The following PCDHA3 variants were observed in gnomAD, a reference collection of about 807,000 sequenced individuals.
PCDHA3 encodes protocadherin alpha-3.
Under a neutral mutation model 62.2 loss-of-function variants are expected in PCDHA3, and 41 were observed. The ratio of observed to expected loss-of-function variants is 0.66; its 90% CI spans 0.51 to 0.86. PCDHA3 has a LOEUF of 0.86. PCDHA3 is among the 40% of genes least tolerant of loss of function. The pLI is 0.00. For synonymous variants in PCDHA3, 640 were observed against 555.4 expected (o/e 1.15, Z -2.14); for missense variants, 1,304 against 1,241.2 (o/e 1.05, Z -0.76).
chr5:140,807,519 A>C, intron 1 of PCDHA3: 1 of 1,614,094 alleles, frequency 6.2e-7, no homozygotes, highest in Non-Finnish European at 8.5e-7. Flanking sequence ...GTGATCGTAG[A>C]CAGGCCGCTG....
chr5:140,854,198 CT>C, intron 1 of PCDHA3: 1 of 547,978 alleles, frequency 1.8e-6, no homozygotes, highest in Non-Finnish European at 2.3e-6. Flanking sequence ...CTACTCCCTA[CT>C]TTTTATTCAA....
intron 1 of PCDHA3, among the ~76,000 whole-genome samples, chr5:140,846,219 G>A (rs1780263856): frequency 6.7e-6 from 1 of 149,418 alleles, no homozygotes; most frequent in South Asian, 2.1e-4. Flanking sequence ...TCCATTAATA[G>A]TATTTTTCTT....
At chr5:141,001,265 T>C (rs71583613) in intron 3 of PCDHA3, among the ~76,000 whole-genome samples, 24 of 152,168 alleles carry the variant, frequency 1.6e-4, no homozygotes, top group Admixed American at 7.2e-4. Flanking sequence ...GGCACTCTTA[T>C]GAACTTTTTT....
In PCDHA3 at chr5:140,857,236, G is replaced by C; in HGVS notation, c.2394+53645G>C. On this transcript the variant is annotated intron_variant, in intron 1 of 3. Transcript: ENST00000522353. ...TGACGCCTCACGTTCCGTTCAAGCTGGTGTCCACCTACAAGAATTACTACT... is the reference window on the plus strand; with the variant it reads ...TGACGCCTCACGTTCCGTTCAAGCTCGTGTCCACCTACAAGAATTACTACT... 6.9e-6 allele frequency: 11 copies of C among 1,598,556 alleles called. 1 individual carries two copies. Among genetic ancestry groups the C allele is most frequent in the Non-Finnish European group, 8.6e-6 (10 of 1,167,952 alleles).
chr5:140,928,712 GT>G (rs782592622), intron 1 of PCDHA3: 1 of 1,614,168 alleles, frequency 6.2e-7, no homozygotes, highest in Non-Finnish European at 8.5e-7. Context: ...TCTGACTCTA[GT>G]CTCTTTAGAA....
At chr5:140,877,116 C>T in intron 1 of PCDHA3, 4 of 1,613,672 alleles carry the variant, frequency 2.5e-6, no homozygotes, top group Non-Finnish European at 2.5e-6. Context: ...TGGGCAGCAA[C>T]GTGACGCTGC....
At chr5:140,883,705 T>G (rs251380) in intron 1 of PCDHA3, 1,065,865 of 1,613,504 alleles carry the variant, frequency 0.66, 353,266 homozygotes, top group Middle Eastern at 0.71. Flanking sequence ...CGGTGTCTGC[T>G]CAGGACGCGG....
At chr5:140,961,384 A>G (rs568973458) in intron 1 of PCDHA3, among the ~76,000 whole-genome samples, 44 of 152,302 alleles carry the variant, frequency 2.9e-4, no homozygotes, top group Non-Finnish European at 5.7e-4. Flanking sequence ...AGTTTGAACT[A>G]TTCCATTAGT....
At chr5:140,928,178 G>C (rs2085023372) in intron 1 of PCDHA3, 1 of 1,614,074 alleles carries the variant, frequency 6.2e-7, no homozygotes, top group African/African-American at 1.3e-5. Flanking sequence ...AGCACCCGAA[G>C]GACAATCACT....
At chr5:140,839,704 A>G (rs1229800703) in intron 1 of PCDHA3, among the ~76,000 whole-genome samples, 4 of 152,070 alleles carry the variant, frequency 2.6e-5, no homozygotes, top group Admixed American at 6.6e-5. Context: ...AAATAATGTG[A>G]TGACAAATTT....
At chr5:140,971,643 T>C (rs2096490301) in intron 1 of PCDHA3, among the ~76,000 whole-genome samples, 2 of 152,134 alleles carry the variant, frequency 1.3e-5, no homozygotes, top group African/African-American at 4.8e-5. Flanking sequence ...TGTGCCTACA[T>C]TAAAAGTAGA....
chr5:140,829,952 C>G, intron 1 of PCDHA3: 1 of 1,614,008 alleles, frequency 6.2e-7, no homozygotes, highest in South Asian at 1.1e-5. Context: ...CGCTCGCTTC[C>G]CGTTTCGCGT....
chr5:140,834,546 G>A, intron 1 of PCDHA3: 1 of 1,614,062 alleles, frequency 6.2e-7, no homozygotes, highest in Non-Finnish European at 8.5e-7. Context: ...CCTGGGGCTG[G>A]AGCTGGCGGA....
intron 1 of PCDHA3, chr5:140,851,502 T>C (rs1581260413): frequency 6.6e-6 from 6 of 903,186 alleles, no homozygotes; most frequent in Middle Eastern, 1.2e-3. Context: ...TTTCAACTTA[T>C]ATAAAATATG....
intron 1 of PCDHA3, among the ~76,000 whole-genome samples, chr5:140,909,448 C>A (rs547019806): frequency 6.6e-6 from 1 of 152,284 alleles, no homozygotes; most frequent in South Asian, 2.1e-4. Context: ...TGTCATTCTC[C>A]AAGATCCATC....
At chr5:140,871,275 A>C in intron 1 of PCDHA3, 3 of 1,613,900 alleles carry the variant, frequency 1.9e-6, no homozygotes, top group Non-Finnish European at 2.5e-6. Flanking sequence ...GGTGGTCGGC[A>C]ACGCCCACTG....
intron 1 of PCDHA3, among the ~76,000 whole-genome samples, chr5:140,952,097 G>A (rs1385693579): frequency 1.3e-5 from 2 of 152,066 alleles, no homozygotes; most frequent in East Asian, 3.9e-4. Context: ...CACATCCAGG[G>A]CACACTCGTG....
chr5:140,969,166 C>T lies in PCDHA3; in HGVS notation c.2395-9783C>T, dbSNP rs1554231524. ...GCTACAAGGCCTGTCTGACAGCAGG[C>T]TCAGGGAGTGACACTTTCATGTTTT... On this transcript the variant is annotated intron_variant, in intron 1 of 3. Transcript: ENST00000522353. 2.5e-6 allele frequency: 4 copies of T among 1,614,092 alleles called. No homozygotes were observed. In the South Asian group the frequency reaches 4.4e-5, roughly 18 times the overall value.
rs782258990 is a variant in PCDHA3 at position 140,870,453 on chromosome 5, T to C, written c.2394+66862T>C. ...TGGAGGTGGCCGACGTGAACGACAATGCGCCTGCGTTCGCACAGCCCGAGT... is the reference window on the plus strand; with the variant it reads ...TGGAGGTGGCCGACGTGAACGACAACGCGCCTGCGTTCGCACAGCCCGAGT... On this transcript the variant is annotated intron_variant, in intron 1 of 3. Coordinates refer to ENST00000522353, the MANE Select transcript of PCDHA3 (RefSeq NM_018906.3). 10 of 1,614,138 alleles carry C rather than the reference T, an allele frequency of 6.2e-6. No homozygotes were observed. The Admixed American group carries it at 6.7e-5, about 11-fold the overall frequency.
Sources: allele counts gnomAD v4.1 joint callset (sites outside exome capture counted in the v4.1 genomes callset), GRCh38; gene constraint gnomAD v4.1.1; transcripts MANE v1.5; gene names NCBI Gene and HGNC (gene_info 2026-07-23, HGNC 2026-07-21).